The following ETFA variants were observed in gnomAD, a reference collection of about 807,000 sequenced individuals.
The protein encoded by ETFA is electron transfer flavoprotein subunit alpha.
In ETFA, 22 loss-of-function variants were observed where a neutral mutation model predicts 46.2. That is an observed-to-expected ratio of 0.48 (90% CI 0.34 to 0.68). The LOEUF is 0.68. ETFA is among the 30% of genes least tolerant of loss of function. The pLI, the probability that ETFA is intolerant of heterozygous loss-of-function variation, is 0.01. For synonymous variants in ETFA, 131 were observed against 139.9 expected (o/e 0.94, Z 0.45); for missense variants, 345 against 401.1 (o/e 0.86, Z 1.19).
intron 9 of ETFA, among the ~76,000 whole-genome samples, chr15:76,235,779 G>A (rs781573876): frequency 5.3e-5 from 8 of 152,192 alleles, no homozygotes; most frequent in Non-Finnish European, 1.2e-4. Flanking sequence ...CCACTGAGAA[G>A]TGGAAAAGCC....
At chr15:76,224,965 G>A (rs1044921104) in intron 11 of ETFA, among the ~76,000 whole-genome samples, 1 of 152,060 alleles carries the variant, frequency 6.6e-6, no homozygotes, top group Non-Finnish European at 1.5e-5. Context: ...TGGAGGTGAC[G>A]GCAAGAGAGA....
chr15:76,286,759 A>C (rs1289561848), intron 5 of ETFA, among the ~76,000 whole-genome samples: 1 of 152,194 alleles, frequency 6.6e-6, no homozygotes, highest in Non-Finnish European at 1.5e-5. Context: ...GGTACACTAC[A>C]CCTCTAAAAG....
At chr15:76,227,984 A>C in intron 10 of ETFA, 1 of 456,064 alleles carries the variant, frequency 2.2e-6, no homozygotes, top group Non-Finnish European at 4.4e-6. Context: ...TCAAATCCAA[A>C]GGCACAAGAA....
At position 76,215,801 on chromosome 15, in the gene ETFA, G is replaced by T. The variant is rs1003361533; in HGVS notation, c.*758C>A. On this transcript the variant is annotated 3_prime_UTR_variant, in exon 12 of 12. Transcript: ENST00000557943. ...AAAGGCTAGAGCATTCTCTGCACAGGATTTTGAATGTTTATAATAACATCA... is the reference window on the plus strand; with the variant it reads ...AAAGGCTAGAGCATTCTCTGCACAGTATTTTGAATGTTTATAATAACATCA... The T allele has an allele frequency of 3.3e-5, 5 of 152,204 alleles. No individual in the cohort carries two copies. The highest frequency in any genetic ancestry group is 5.9e-5 in the Non-Finnish European group (4 of 68,106). The allele number at this position is 152,204 out of a possible 1,614,324, so 9.4% of individuals were successfully genotyped here.
At chr15:76,259,610 C>A (rs1596203969) in intron 9 of ETFA, 1 of 912,692 alleles carries the variant, frequency 1.1e-6, no homozygotes, top group East Asian at 2.4e-5. Flanking sequence ...CAGCCAGGCT[C>A]TCCAGGGCCA....
chr15:76,221,243 T>C (rs2038953540), intron 11 of ETFA, among the ~76,000 whole-genome samples: 2 of 152,204 alleles, frequency 1.3e-5, no homozygotes, highest in Non-Finnish European at 1.5e-5. Context: ...ACATATTACA[T>C]AATTCAATTT....
At chr15:76,255,138 C>G (rs920107464) in intron 9 of ETFA, among the ~76,000 whole-genome samples, 3 of 152,060 alleles carry the variant, frequency 2.0e-5, no homozygotes, top group African/African-American at 7.2e-5. Flanking sequence ...ACAGAGTTCT[C>G]TAACTTATGG....
At chr15:76,246,329 G>A (rs922858647) in intron 9 of ETFA, among the ~76,000 whole-genome samples, 1 of 152,212 alleles carries the variant, frequency 6.6e-6, no homozygotes, top group African/African-American at 2.4e-5. Flanking sequence ...CTGAATCCTG[G>A]CAACCTGGCT....
At chr15:76,307,873 A>G (rs1567223323) in intron 1 of ETFA, among the ~76,000 whole-genome samples, 1 of 151,984 alleles carries the variant, frequency 6.6e-6, no homozygotes, top group South Asian at 2.1e-4. Flanking sequence ...TCCTAACTTT[A>G]TTTTTTTAAA....
chr15:76,240,123 A>G (rs1363890833), intron 9 of ETFA, among the ~76,000 whole-genome samples: 1 of 152,192 alleles, frequency 6.6e-6, no homozygotes, highest in Non-Finnish European at 1.5e-5. Context: ...CCAGCTAAAG[A>G]TTTTGATCTG....
At chr15:76,271,108 TC>T (rs2039525727) in intron 9 of ETFA, among the ~76,000 whole-genome samples, 1 of 140,586 alleles carries the variant, frequency 7.1e-6, no homozygotes, top group Non-Finnish European at 1.5e-5. Context: ...AGGCAGAAGT[TC>T]CAGTGAGCCG....
chr15:76,234,194 A>T (rs2039099281), intron 9 of ETFA, among the ~76,000 whole-genome samples: 1 of 152,138 alleles, frequency 6.6e-6, no homozygotes, highest in African/African-American at 2.4e-5. Context: ...ATAAACATAA[A>T]AGCACTGAAA....
intron 11 of ETFA, among the ~76,000 whole-genome samples, chr15:76,218,899 A>C (rs1396664140): frequency 6.6e-6 from 1 of 152,194 alleles, no homozygotes; most frequent in East Asian, 1.9e-4. Flanking sequence ...TCTGCCTCCT[A>C]GTTGGCAAGC....
chr15:76,261,482 G>A (rs539933365), intron 9 of ETFA: 1 of 836,772 alleles, frequency 1.2e-6, no homozygotes, highest in Non-Finnish European at 1.9e-6. Context: ...TGGATGTCAG[G>A]CTCCTCCATC....
intron 9 of ETFA, among the ~76,000 whole-genome samples, chr15:76,268,703 G>C (rs1463918032): frequency 1.3e-5 from 2 of 152,294 alleles, no homozygotes; most frequent in East Asian, 3.9e-4. Flanking sequence ...AGAATTAAGG[G>C]TCCTCTTGTA....
chr15:76,259,713 T>C (rs1050216240), intron 9 of ETFA: 3 of 1,386,930 alleles, frequency 2.2e-6, no homozygotes, highest in South Asian at 2.3e-5. Context: ...ACACACACGG[T>C]CATGTCCCCT....
intron 9 of ETFA, among the ~76,000 whole-genome samples, chr15:76,268,539 A>T (rs956441075): frequency 2.0e-5 from 3 of 152,218 alleles, no homozygotes; most frequent in Non-Finnish European, 2.9e-5. Flanking sequence ...CAGAGCTACA[A>T]CAGATGCTTA....
chr15:76,300,716 G>C (rs576527229), intron 1 of ETFA, among the ~76,000 whole-genome samples: 17 of 152,046 alleles, frequency 1.1e-4, no homozygotes, highest in Non-Finnish European at 2.4e-4. Flanking sequence ...AGACTCCTTA[G>C]GTTGGTTTAT....
chr15:76,308,298 T>C (rs188886498), intron 1 of ETFA, among the ~76,000 whole-genome samples: 4 of 152,298 alleles, frequency 2.6e-5, no homozygotes, highest in South Asian at 2.1e-4. Context: ...GACAGTCACA[T>C]AGTCTCAATG....
Sources: allele counts gnomAD v4.1 joint callset (sites outside exome capture counted in the v4.1 genomes callset), GRCh38; gene constraint gnomAD v4.1.1; transcripts MANE v1.5; gene names NCBI Gene and HGNC (gene_info 2026-07-23, HGNC 2026-07-21).